NAALADL2: variants seen among roughly 807,000 people sequenced by gnomAD.
The protein encoded by NAALADL2 is inactive N-acetylated-alpha-linked acidic dipeptidase-like protein 2.
Under a neutral mutation model 87.2 loss-of-function variants are expected in NAALADL2, and 76 were observed. The observed-to-expected ratio is 0.87, with a 90% CI of 0.72 to 1.05. The LOEUF is 1.05. NAALADL2 is among the 50% of genes least tolerant of loss of function. The pLI is 0.00. For missense variants in NAALADL2, 1,089 were observed against 945.8 expected (o/e 1.15, Z -1.99); for synonymous variants, 354 against 331.0 (o/e 1.07, Z -0.75).
chr3:175,141,321 A>G (rs75152594), intron 2 of NAALADL2, among the ~76,000 whole-genome samples: 2,270 of 152,102 alleles, frequency 0.015, 41 homozygotes, highest in African/African-American at 0.05. Context: ...TCAAGTTTAG[A>G]TGCCAGTTAT....
chr3:174,476,519 A>G lies in NAALADL2; in HGVS notation c.-184+35487A>G, dbSNP rs149407477. Reference sequence around the variant, plus strand: ...TCCTTATAGTGTCCAAATTTTTTCAATGCTTATTCAAATGGCTTATTCATT... The same window carrying G: ...TCCTTATAGTGTCCAAATTTTTTCAGTGCTTATTCAAATGGCTTATTCATT... On this transcript the variant is annotated intron_variant, in intron 1 of 3. Coordinates refer to the NAALADL2 transcript ENST00000434257. Among the ~76,000 whole-genome samples the G allele has an allele frequency of 6.1e-4, 92 of 151,984 alleles. 1 individual carries two copies. The East Asian group carries it at 0.016, about 27-fold the overall frequency.
chr3:174,891,244 C>G (rs1032857989), intron 1 of NAALADL2, among the ~76,000 whole-genome samples: 35 of 152,130 alleles, frequency 2.3e-4, no homozygotes, highest in African/African-American at 7.5e-4. Flanking sequence ...AGAATACACT[C>G]TAAGGTGGCA....
At chr3:174,454,947 G>C (rs1487145709) in intron 1 of NAALADL2, among the ~76,000 whole-genome samples, 1 of 149,046 alleles carries the variant, frequency 6.7e-6, no homozygotes, top group Non-Finnish European at 1.5e-5. Context: ...GAATCCAGGA[G>C]TTGTTTTTTT....
chr3:174,814,350 G>A (rs1247292105), intron 3 of NAALADL2, among the ~76,000 whole-genome samples: 3 of 151,862 alleles, frequency 2.0e-5, no homozygotes, highest in African/African-American at 7.3e-5. Context: ...CTCGTGATCC[G>A]CCCGCCTCAG....
Position 174,818,460 on chromosome 3 carries a change from T to A in NAALADL2, c.-9+80714T>A, listed in dbSNP as rs543988915. On this transcript the variant is annotated intron_variant, in intron 3 of 3. Transcript: ENST00000434257. Reference sequence around the variant, plus strand: ...TATTTTTGAAATCATATATTTTATCTAAAAAAAATCTGTAAGTATTACATT... The same window carrying A: ...TATTTTTGAAATCATATATTTTATCAAAAAAAAATCTGTAAGTATTACATT... 1.2e-3 allele frequency among the ~76,000 whole-genome samples: 190 copies of A among 152,136 alleles called. 1 individual carries two copies. The highest frequency in any genetic ancestry group is 4.0e-3 in the African/African-American group (167 of 41,508).
At chr3:174,941,621 G>T (rs889310329) in intron 1 of NAALADL2, among the ~76,000 whole-genome samples, 33 of 151,980 alleles carry the variant, frequency 2.2e-4, no homozygotes, top group African/African-American at 5.8e-4. Context: ...TCATTATTTT[G>T]TGGGAGTCTA....
intron 13 of NAALADL2, among the ~76,000 whole-genome samples, 154 bp downstream of exon 13, chr3:175,755,572 A>G (rs1370885489): frequency 6.6e-6 from 1 of 152,172 alleles, no homozygotes; most frequent in Non-Finnish European, 1.5e-5. Flanking sequence ...CCCCAAAGAA[A>G]AATTAAACTG....
rs190137897 is a variant in NAALADL2, at chr3:175,513,688, A to T, written c.1653+41930A>T. On this transcript the variant is annotated intron_variant, in intron 9 of 13. Coordinates refer to ENST00000454872, the MANE Select transcript of NAALADL2 (RefSeq NM_207015.3). ...CTTTCTAAAATGGGAAATATGATTT[A>T]CAGTGGGCAGTCTAAGGGATGCCAA... Among the ~76,000 whole-genome samples the T allele has an allele frequency of 4.9e-3, 751 of 152,344 alleles. 7 individuals are homozygous for T. Among genetic ancestry groups the T allele is most frequent in the African/African-American group, 0.017 (724 of 41,582 alleles).
At chr3:175,487,033 A>G (rs1727376508) in intron 9 of NAALADL2, among the ~76,000 whole-genome samples, 1 of 152,124 alleles carries the variant, frequency 6.6e-6, no homozygotes, top group African/African-American at 2.4e-5. Context: ...TTGAAGACTT[A>G]AGTCAGATCA....
chr3:175,256,746 C>T (rs1042598521), intron 4 of NAALADL2: 8 of 333,216 alleles, frequency 2.4e-5, no homozygotes, highest in Middle Eastern at 7.9e-4. Flanking sequence ...TATATTTATG[C>T]CCTTATTTCT....
At chr3:175,143,837 A>G (rs1353032544) in intron 2 of NAALADL2, among the ~76,000 whole-genome samples, 1 of 151,966 alleles carries the variant, frequency 6.6e-6, no homozygotes, top group Non-Finnish European at 1.5e-5. Flanking sequence ...ATCATCAGTA[A>G]ATAATGGACC....
rs10688417 is a variant in NAALADL2 at position 175,119,887 on chromosome 3, C to CATAT, written c.545+22608_545+22611dup. On this transcript the variant is annotated intron_variant, in intron 2 of 13. Transcript: ENST00000454872. ...GTGTATGTGTATGTGTATATATATA[C>CATAT]ATATATATATATATAAAGAATAGGA... 9.6e-3 allele frequency among the ~76,000 whole-genome samples: 1,375 copies of CATAT among 143,116 alleles called. 9 individuals are homozygous for CATAT. Among genetic ancestry groups the CATAT allele is most frequent in the Middle Eastern group, 0.033 (9 of 276 alleles). 93.9% of individuals were successfully genotyped at this position (143,116 alleles called of 152,430 possible). A position where few individuals can be genotyped will look rare whatever the true frequency, so the allele number is the denominator to read the frequency against.
At chr3:175,371,482 T>C (rs1468322096) in intron 5 of NAALADL2, among the ~76,000 whole-genome samples, 1 of 152,016 alleles carries the variant, frequency 6.6e-6, no homozygotes, top group Non-Finnish European at 1.5e-5. Context: ...TTAGTCAAGA[T>C]ATGGATAATA....
upstream of NAALADL2, among the ~76,000 whole-genome samples, chr3:174,856,236 G>T (rs1346969314): frequency 6.6e-6 from 1 of 151,912 alleles, no homozygotes; most frequent in Non-Finnish European, 1.5e-5. Flanking sequence ...GAACTCTTGG[G>T]CTTAAGCGAT....
intron 1 of NAALADL2, among the ~76,000 whole-genome samples, chr3:174,501,092 T>TGGGAAATATTCCTTCCTCTCAG (rs1718853367): frequency 1.2e-4 from 17 of 141,432 alleles, no homozygotes; most frequent in African/African-American, 5.2e-4. Context: ...TTTTTTTTTT[T>TGGGAAATATTCCTTCCTCTCAG]TTTTGAGACG....
chr3:175,759,108 G>A (rs529928043), intron 13 of NAALADL2, among the ~76,000 whole-genome samples: 65 of 152,212 alleles, frequency 4.3e-4, no homozygotes, highest in African/African-American at 1.4e-3. Context: ...CTATGATGTT[G>A]CATGTAAACC....
intron 2 of NAALADL2, among the ~76,000 whole-genome samples, chr3:174,734,879 T>C (rs1733041354): frequency 1.3e-5 from 2 of 152,160 alleles, no homozygotes; most frequent in African/African-American, 4.8e-5. Flanking sequence ...TTATTTCTTA[T>C]GTAAAGCTTA....
At position 175,406,035 on chromosome 3, in the gene NAALADL2, C is replaced by T. The variant is rs140409993; in HGVS notation, c.1091-41194C>T. On this transcript the variant is annotated intron_variant, in intron 5 of 13. Transcript: ENST00000454872. The stretch of plus-strand genomic sequence containing the variant: ...TTGGTAATAAATAGGACAGACAAGG[C>T]GCTTACCCTCATGGAGTTTATAGCC... 4.4e-3 allele frequency among the ~76,000 whole-genome samples: 665 copies of T among 152,228 alleles called. 12 individuals are homozygous for T. The highest frequency in any genetic ancestry group is 0.031 in the Admixed American group (471 of 15,282).
chr3:175,291,335 T>C (rs1421981517), intron 4 of NAALADL2, among the ~76,000 whole-genome samples: 1 of 152,150 alleles, frequency 6.6e-6, no homozygotes, highest in Non-Finnish European at 1.5e-5. Context: ...ACTTTTCCAA[T>C]TTGCTATGCT....
Sources: gnomAD v4.1 joint callset for allele counts (sites outside exome capture counted in the v4.1 genomes callset) on GRCh38, gnomAD v4.1.1 for gene constraint, MANE v1.5 for transcripts, NCBI Gene and HGNC (gene_info 2026-07-23, HGNC 2026-07-21) for gene names.